The following CDH4 variants were observed in gnomAD, a reference collection of about 807,000 sequenced individuals.
The protein encoded by CDH4 is cadherin 4.
Under a neutral mutation model 86.0 loss-of-function variants are expected in CDH4, and 33 were observed. The ratio of observed to expected loss-of-function variants is 0.38; its 90% CI spans 0.29 to 0.51. CDH4 has a LOEUF of 0.51. Among genes scored for constraint, CDH4 ranks in the 20% least tolerant of loss-of-function variants. CDH4 has a pLI of 0.86. For synonymous variants in CDH4, 555 were observed against 549.4 expected (o/e 1.01, Z -0.14); for missense variants, 1,114 against 1,307.4 (o/e 0.85, Z 2.28).
chr20:61,787,496 A>T (rs1437442727), intron 4 of CDH4, among the ~76,000 whole-genome samples: 1 of 152,186 alleles, frequency 6.6e-6, no homozygotes, highest in East Asian at 1.9e-4. Context: ...ATCTTCCACC[A>T]GGTCCCTCCC....
chr20:61,563,417 T>G lies in CDH4; in HGVS notation c.170-180146T>G, dbSNP rs570178281. On this transcript the variant is annotated intron_variant, in intron 2 of 15. Coordinates refer to ENST00000614565, the MANE Select transcript of CDH4 (RefSeq NM_001794.5). ...AATCCAGCCCCAATGTCTCCCTCCT[T>G]CTCCCTCACTTGCTCCAGGTGCTTG... Among the ~76,000 whole-genome samples the G allele has an allele frequency of 9.9e-5, 15 of 152,282 alleles. No homozygotes were observed. In the East Asian group the frequency reaches 1.7e-3, roughly 18 times the overall value.
Position 61,936,743 on chromosome 20 carries a change from C to T in CDH4, c.2551C>T (p.Arg851Cys), listed in dbSNP as rs756374774. The change falls in exon 16 of 16, where the codon CGC becomes TGC. Residue 851 changes from arginine to cysteine, a missense_variant. Physicochemically the swap from Arg to Cys is radical, Grantham distance 180. Coordinates refer to ENST00000614565, the MANE Select transcript of CDH4 (RefSeq NM_001794.5). ...CTGTGTCTGTGACCCCCAGGGACTCCGCGCTGCTGACAACGACCCCACGGC... is the reference window on the plus strand; with the variant it reads ...CTGTGTCTGTGACCCCCAGGGACTCTGCGCTGCTGACAACGACCCCACGGC... Reference protein sequence around the residue: ...DIGDFINEGLRAADNDPTAPP... With the variant: ...DIGDFINEGLCAADNDPTAPP... 110 of 1,590,260 alleles carry T rather than the reference C, an allele frequency of 6.9e-5. No homozygotes were observed. The highest frequency in any genetic ancestry group is 2.4e-4 in the Admixed American group (14 of 57,226).
intron 2 of CDH4, among the ~76,000 whole-genome samples, chr20:61,410,016 C>T (rs764850411): frequency 6.6e-6 from 1 of 152,212 alleles, no homozygotes; most frequent in Non-Finnish European, 1.5e-5. Flanking sequence ...ACAGGGTGTA[C>T]AGTGCAGCTC....
chr20:61,293,245 G>C (rs925725772), intron 2 of CDH4, among the ~76,000 whole-genome samples: 2 of 152,188 alleles, frequency 1.3e-5, no homozygotes, highest in Non-Finnish European at 2.9e-5. Context: ...GTGGGACTTG[G>C]CCTGTGTGGA....
intron 7 of CDH4, 124 bp downstream of exon 7, chr20:61,874,024 C>T (rs1983917619): frequency 2.0e-6 from 2 of 992,630 alleles, no homozygotes; most frequent in Non-Finnish European, 3.0e-6. Context: ...TCCCCAGTGG[C>T]ACTCTCTTGC....
At chr20:61,341,725 G>A (rs1440450811) in intron 2 of CDH4, among the ~76,000 whole-genome samples, 1 of 152,042 alleles carries the variant, frequency 6.6e-6, no homozygotes, top group East Asian at 1.9e-4. Context: ...GGAAGTGATT[G>A]GCAGAAGGTC....
chr20:61,458,113 A>C (rs1414196651), intron 2 of CDH4, among the ~76,000 whole-genome samples: 1 of 146,122 alleles, frequency 6.8e-6, no homozygotes, highest in Non-Finnish European at 1.5e-5. Flanking sequence ...TGTTGATGAC[A>C]GTGCTGATGG....
chr20:61,824,737 C>A (rs1190921813), intron 4 of CDH4, among the ~76,000 whole-genome samples: 1 of 152,164 alleles, frequency 6.6e-6, no homozygotes, highest in East Asian at 1.9e-4. Context: ...AAATCCTTTC[C>A]TGTGAAGGCC....
intron 4 of CDH4, among the ~76,000 whole-genome samples, chr20:61,787,916 G>C (rs777497489): frequency 6.6e-6 from 1 of 152,162 alleles, no homozygotes; most frequent in Non-Finnish European, 1.5e-5. Flanking sequence ...GAGGGTGAGA[G>C]AGAAGAACTG....
chr20:61,566,706 T>A (rs1021932796), intron 2 of CDH4, among the ~76,000 whole-genome samples: 41 of 151,948 alleles, frequency 2.7e-4, no homozygotes, highest in African/African-American at 9.4e-4. Context: ...ACTTTCTAAT[T>A]TACCAGTCAT....
At chr20:61,358,014 G>A (rs554804240) in intron 2 of CDH4, among the ~76,000 whole-genome samples, 186 of 152,258 alleles carry the variant, frequency 1.2e-3, no homozygotes, top group Non-Finnish European at 2.1e-3. Context: ...CAAGATTTAT[G>A]ACAATTGCAC....
intron 3 of CDH4, among the ~76,000 whole-genome samples, chr20:61,751,095 TC>T (rs2088488222): frequency 6.6e-6 from 1 of 152,204 alleles, no homozygotes. Context: ...TTTGCTCGTT[TC>T]GGGAAGAGTA....
In CDH4 at chr20:61,787,330, T is replaced by C. The variant is rs371615433; in HGVS notation, c.576+14148T>C. ...GGAGGCCTCAGGAAACTTATAATCA[T>C]GGTGGAAGGGGAAGCAAATATGCCC... On this transcript the variant is annotated intron_variant, in intron 4 of 15. Coordinates refer to ENST00000614565, the MANE Select transcript of CDH4 (RefSeq NM_001794.5). Among the ~76,000 whole-genome samples the C allele has an allele frequency of 4.6e-5, 7 of 152,284 alleles. 1 individual carries two copies. The highest frequency in any genetic ancestry group is 1.2e-4 in the African/African-American group (5 of 41,556).
At chr20:61,265,538 C>G (rs1282795351) in intron 2 of CDH4, among the ~76,000 whole-genome samples, 15 of 152,082 alleles carry the variant, frequency 9.9e-5, no homozygotes, top group Non-Finnish European at 7.4e-5. Context: ...TTCAATCTTA[C>G]ACGGACCTCA....
intron 2 of CDH4, among the ~76,000 whole-genome samples, chr20:61,266,307 T>C (rs1300687443): frequency 6.6e-6 from 1 of 152,044 alleles, no homozygotes; most frequent in African/African-American, 2.4e-5. Context: ...TTGGACACTC[T>C]GTCTCTCCCC....
intron 8 of CDH4, among the ~76,000 whole-genome samples, chr20:61,904,066 G>A (rs577123816): frequency 9.2e-5 from 14 of 152,310 alleles, no homozygotes; most frequent in Admixed American, 5.2e-4. Context: ...CCCCCAAGCC[G>A]GCGTCCTGTG....
At chr20:61,714,062 T>TTGTATTGTA (rs2087925429) in intron 2 of CDH4, among the ~76,000 whole-genome samples, 1 of 150,088 alleles carries the variant, frequency 6.7e-6, no homozygotes, top group African/African-American at 2.5e-5. Context: ...TTTTATTTTA[T>TTGTATTGTA]TTGAGATGGA....
At chr20:61,408,264 G>T (rs1482347069) in intron 2 of CDH4, among the ~76,000 whole-genome samples, 1 of 152,162 alleles carries the variant, frequency 6.6e-6, no homozygotes, top group African/African-American at 2.4e-5. Context: ...AAAAGCTCTG[G>T]AGGTTAGGGC....
At chr20:61,488,099 G>A (rs548115205) in intron 2 of CDH4, among the ~76,000 whole-genome samples, 1 of 152,308 alleles carries the variant, frequency 6.6e-6, no homozygotes, top group Admixed American at 6.5e-5. Context: ...CTTGTATGAC[G>A]CCAATGATCA....
Sources: allele counts gnomAD v4.1 joint callset (sites outside exome capture counted in the v4.1 genomes callset), GRCh38; gene constraint gnomAD v4.1.1; transcripts MANE v1.5; gene names NCBI Gene and HGNC (gene_info 2026-07-23, HGNC 2026-07-21).